Variants in DNAAF1 observed in about 807,000 individuals in gnomAD.
DNAAF1 encodes the protein dynein assembly factor 1, axonemal.
In DNAAF1, 65 loss-of-function variants were observed where a neutral mutation model predicts 71.1. The ratio of observed to expected loss-of-function variants is 0.91; its 90% CI spans 0.75 to 1.12. The LOEUF is 1.12. Ranked by LOEUF, DNAAF1 falls within the 50% of genes most tolerant of loss-of-function variation. The probability of loss-of-function intolerance (pLI) is 0.00; values close to 1 mark genes in which losing one functional copy is unlikely to be tolerated. For missense variants in DNAAF1, 1,178 were observed against 899.8 expected (o/e 1.31, Z -3.96); for synonymous variants, 414 against 354.6 (o/e 1.17, Z -1.88).
rs780258845 is a variant in DNAAF1 at position 84,175,986 on chromosome 16, C to A, written c.1752C>A (p.Asp584Glu). 1.9e-5 allele frequency: 31 copies of A among 1,614,014 alleles called. No homozygotes were observed. Among genetic ancestry groups the A allele is most frequent in the Non-Finnish European group, 2.5e-5 (29 of 1,180,000 alleles). ...EVISSLSDDS[D>E]PELDYTSLPV... The stretch of plus-strand genomic sequence containing the variant: ...TCTCGAGCTTGAGTGATGACAGTGA[C>A]CCTGAACTGGACTACACGTCACTCC... The change falls in exon 11 of 12, where the codon GAC becomes GAA. Residue 584 changes from aspartate to glutamate, a missense_variant. Coordinates refer to ENST00000378553, the MANE Select transcript of DNAAF1 (RefSeq NM_178452.6).
chr16:84,149,425 C>G (rs1215988260), intron 2 of DNAAF1, among the ~76,000 whole-genome samples: 1 of 152,172 alleles, frequency 6.6e-6, no homozygotes, highest in Non-Finnish European at 1.5e-5. Context: ...GGCGCAGTGG[C>G]TCATGCCTGT....
In DNAAF1 at chr16:84,168,757, C is replaced by T. The variant is rs75147717; in HGVS notation, c.1031-1102C>T. Among the ~76,000 whole-genome samples, 28 of 151,392 alleles carry T rather than the reference C, an allele frequency of 1.8e-4. No individual in the cohort carries two copies. In the East Asian group the frequency reaches 2.9e-3, roughly 16 times the overall value. ...CAGAAAAGCTGAAAGAATAGTAAAACGGATAGCTGTATGTCTGCATTTATT... is the reference window on the plus strand; with the variant it reads ...CAGAAAAGCTGAAAGAATAGTAAAATGGATAGCTGTATGTCTGCATTTATT... On this transcript the variant is annotated intron_variant, in intron 7 of 11. Coordinates refer to ENST00000378553, the MANE Select transcript of DNAAF1 (RefSeq NM_178452.6).
At chr16:84,164,177 C>T (rs905694534) in intron 6 of DNAAF1, among the ~76,000 whole-genome samples, 1 of 151,576 alleles carries the variant, frequency 6.6e-6, no homozygotes, top group Non-Finnish European at 1.5e-5. Context: ...TTCCATATAC[C>T]ACCCGCCCTC....
At chr16:84,167,519 G>A (rs533422850) in intron 7 of DNAAF1, among the ~76,000 whole-genome samples, 7 of 152,218 alleles carry the variant, frequency 4.6e-5, no homozygotes, top group East Asian at 3.9e-4. Flanking sequence ...CGCCCCATTC[G>A]AACAAAAGAT....
intron 6 of DNAAF1, 95 bp downstream of exon 6, chr16:84,159,891 T>C: frequency 1.4e-6 from 2 of 1,460,468 alleles, no homozygotes; most frequent in Non-Finnish European, 1.9e-6. Context: ...TTGAGAAATT[T>C]CACATATCAA....
chr16:84,146,746 A>T (rs2086932445), intron 1 of DNAAF1, among the ~76,000 whole-genome samples: 1 of 139,496 alleles, frequency 7.2e-6, no homozygotes, highest in Non-Finnish European at 1.6e-5. Flanking sequence ...CTCCGTCTCA[A>T]AAAAAAAAAA....
intron 5 of DNAAF1, among the ~76,000 whole-genome samples, chr16:84,158,294 G>A (rs769939300): frequency 3.3e-5 from 5 of 152,192 alleles, no homozygotes; most frequent in Admixed American, 6.5e-5. Flanking sequence ...GCAGGGCTGG[G>A]TTCTCCTGAG....
rs138188765 is a variant in DNAAF1 at position 84,158,329 on chromosome 16, C to T, written c.742-1346C>T. Among the ~76,000 whole-genome samples the T allele has an allele frequency of 8.1e-4, 124 of 152,276 alleles. 1 individual carries two copies. In the East Asian group the frequency reaches 0.022, roughly 27 times the overall value. On this transcript the variant is annotated intron_variant, in intron 5 of 11. Coordinates refer to ENST00000378553, the MANE Select transcript of DNAAF1 (RefSeq NM_178452.6). ...GGCATCTCCTTGGCTGGTAGATGGC[C>T]GTCTTCTCCCTGGGTCCTCACATGG... is the stretch of plus-strand genomic sequence containing the variant.
intron 6 of DNAAF1, among the ~76,000 whole-genome samples, chr16:84,163,364 C>CCT (rs151099864): frequency 0.035 from 5,210 of 148,770 alleles, 287 homozygotes; most frequent in African/African-American, 0.12. Flanking sequence ...TCTTTTTTTT[C>CCT]CTCTCTCTCT....
chr16:84,159,158 G>T, intron 5 of DNAAF1: 1 of 996,858 alleles, frequency 1.0e-6, no homozygotes, highest in South Asian at 4.4e-5. Flanking sequence ...GTGACAGCGG[G>T]GAGAGCTGTA....
At chr16:84,163,946 A>C (rs2087844018) in intron 6 of DNAAF1, among the ~76,000 whole-genome samples, 1 of 151,480 alleles carries the variant, frequency 6.6e-6, no homozygotes, top group Non-Finnish European at 1.5e-5. Context: ...CTGGGACTGC[A>C]GGTGTGCACC....
chr16:84,175,215 T>G, intron 10 of DNAAF1: 2 of 218,896 alleles, frequency 9.1e-6, no homozygotes, highest in Non-Finnish European at 1.9e-5. Flanking sequence ...TTCAATTTCT[T>G]TAAGATTTTA....
rs1034524890 is a variant in DNAAF1, at chr16:84,165,678, C to G, written c.864-105C>G. On this transcript the variant is annotated intron_variant, in intron 6 of 11. Coordinates refer to ENST00000378553, the MANE Select transcript of DNAAF1 (RefSeq NM_178452.6). Reference sequence around the variant, plus strand: ...AACTTTTATCCTTGCAGTCACATGTCTGATGCTCACTTTGCTTTGATTTTG... The same window carrying G: ...AACTTTTATCCTTGCAGTCACATGTGTGATGCTCACTTTGCTTTGATTTTG... 6 of 1,105,754 alleles carry G rather than the reference C, an allele frequency of 5.4e-6. No homozygotes were observed. The African/African-American group carries it at 6.2e-5, about 11-fold the overall frequency. The allele number at this position is 1,105,754 out of a possible 1,614,324, so 68.5% of individuals were successfully genotyped here.
chr16:84,149,072 CAG>C lies in DNAAF1; in HGVS notation c.193_194del (p.Ser65TrpfsTer2). On this transcript the variant is annotated frameshift_variant, in exon 2 of 12. Coordinates refer to ENST00000378553, the MANE Select transcript of DNAAF1 (RefSeq NM_178452.6). LOFTEE classifies it high-confidence loss of function. ...SDTSYHSQQKQSGDNGSGGHF... is the reference protein window; with the variant it reads ...SDTSYHSQQKXSGDNGSGGHF... ...CACATCCTACCACAGCCAGCAGAAA[CAG>C]AGTGGTGATAATGGGTCAGGTGGTC... The C allele has an allele frequency of 1.9e-6, 3 of 1,614,106 alleles. No homozygotes were observed. Among genetic ancestry groups the C allele is most frequent in the East Asian group, 2.2e-5 (1 of 44,866 alleles).
chr16:84,145,660 C>G, intron 1 of DNAAF1, 96 bp downstream of exon 1: 1 of 1,378,526 alleles, frequency 7.3e-7, no homozygotes, highest in Non-Finnish European at 9.8e-7. Context: ...TCTTCACAGC[C>G]AAATAATAAC....
At chr16:84,151,855 T>A (rs555964438) in intron 3 of DNAAF1, among the ~76,000 whole-genome samples, 1 of 152,266 alleles carries the variant, frequency 6.6e-6, no homozygotes, top group East Asian at 1.9e-4. Flanking sequence ...CACATGAGCC[T>A]CCCCATGGCA....
At chr16:84,165,678 C>A in intron 6 of DNAAF1, 105 bp from the exon 7 acceptor site, 1 of 1,105,872 alleles carries the variant, frequency 9.0e-7, no homozygotes, top group East Asian at 2.4e-5. Flanking sequence ...AGTCACATGT[C>A]TGATGCTCAC....
intron 7 of DNAAF1, 41 bp from the exon 8 acceptor site, chr16:84,169,818 C>T: frequency 6.2e-7 from 1 of 1,612,188 alleles, no homozygotes; most frequent in Non-Finnish European, 8.5e-7. Context: ...CTTGTCCTCC[C>T]AGGACACTCC....
At chr16:84,168,430 C>G (rs1314953537) in intron 7 of DNAAF1, among the ~76,000 whole-genome samples, 1 of 152,138 alleles carries the variant, frequency 6.6e-6, no homozygotes, top group Non-Finnish European at 1.5e-5. Flanking sequence ...GGTGTGAACA[C>G]CTTTGACTAA....
Sources: gnomAD v4.1 joint callset for allele counts (sites outside exome capture counted in the v4.1 genomes callset) on GRCh38, gnomAD v4.1.1 for gene constraint, MANE v1.5 for transcripts, NCBI Gene and HGNC (gene_info 2026-07-23, HGNC 2026-07-21) for gene names.